BICD1: variants seen among roughly 807,000 people sequenced by gnomAD.
BICD1 encodes the protein BICD cargo adaptor 1.
In BICD1, 35 loss-of-function variants were observed where a neutral mutation model predicts 92.5. The ratio of observed to expected loss-of-function variants is 0.38; its 90% CI spans 0.29 to 0.50. The LOEUF (loss-of-function observed/expected upper bound fraction) is 0.50. Ranked by LOEUF, BICD1 falls within the 20% of genes least tolerant of loss-of-function variation. BICD1 has a pLI of 0.93. For missense variants in BICD1, 950 were observed against 1,189.8 expected, an observed-to-expected ratio of 0.80 and a Z score of 2.97; for synonymous variants, 429 against 465.1, an observed-to-expected ratio of 0.92 and a Z score of 1.00.
chr12:32,166,884 A>C (rs10844144), intron 1 of BICD1, among the ~76,000 whole-genome samples: 18,767 of 152,278 alleles, frequency 0.12, 1,584 homozygotes, highest in East Asian at 0.34. Context: ...AAATTGAATA[A>C]GAAAACATCA....
At chr12:32,133,419 T>C (rs1000989878) in intron 1 of BICD1, among the ~76,000 whole-genome samples, 9 of 151,070 alleles carry the variant, frequency 6.0e-5, no homozygotes, top group African/African-American at 1.7e-4. Flanking sequence ...ACCTGGGAGG[T>C]AGAGGTTGCA....
intron 2 of BICD1, among the ~76,000 whole-genome samples, chr12:32,244,585 A>G (rs931036270): frequency 6.6e-6 from 1 of 151,472 alleles, no homozygotes; most frequent in Non-Finnish European, 1.5e-5. Context: ...TAATCCATAA[A>G]TCTCTCCATT....
chr12:32,159,344 C>A (rs561267180), intron 1 of BICD1, among the ~76,000 whole-genome samples: 1 of 152,248 alleles, frequency 6.6e-6, no homozygotes, highest in Admixed American at 6.5e-5. Flanking sequence ...GCTCTTCAGG[C>A]ATGCTGACAG....
At chr12:32,366,015 TAA>T (rs1402908106) in intron 8 of BICD1, among the ~76,000 whole-genome samples, 3 of 152,200 alleles carry the variant, frequency 2.0e-5, no homozygotes, top group Non-Finnish European at 4.4e-5. Flanking sequence ...CGCTAATTAA[TAA>T]GATGGCAACA....
chr12:32,364,538 T>C (rs539903035), intron 8 of BICD1, among the ~76,000 whole-genome samples: 2 of 152,332 alleles, frequency 1.3e-5, no homozygotes, highest in South Asian at 4.1e-4. Context: ...GTCAGAGCAA[T>C]GTAGCTACAT....
chr12:32,370,615 G>A (rs931129111), intron 9 of BICD1, among the ~76,000 whole-genome samples: 1 of 152,070 alleles, frequency 6.6e-6, no homozygotes, highest in African/African-American at 2.4e-5. Flanking sequence ...AGATTGCTTG[G>A]GTTGAATTCC....
intron 2 of BICD1, among the ~76,000 whole-genome samples, chr12:32,246,777 A>G (rs1946399836): frequency 6.6e-6 from 1 of 152,212 alleles, no homozygotes; most frequent in Admixed American, 6.5e-5. Flanking sequence ...TGTAGGCACA[A>G]GAGATACAGC....
chr12:32,316,807 A>G (rs2136236918), intron 4 of BICD1, among the ~76,000 whole-genome samples: 1 of 151,862 alleles, frequency 6.6e-6, no homozygotes, highest in South Asian at 2.1e-4. Context: ...TGCACCCATT[A>G]ACTTGTCATT....
At chr12:32,311,627 C>T (rs532892392) in intron 4 of BICD1, among the ~76,000 whole-genome samples, 2 of 152,246 alleles carry the variant, frequency 1.3e-5, no homozygotes, top group South Asian at 2.1e-4. Flanking sequence ...TGTCTGAAGG[C>T]GTGGGATCAA....
At chr12:32,358,623 G>C (rs1214822898) in intron 8 of BICD1, among the ~76,000 whole-genome samples, 1 of 151,966 alleles carries the variant, frequency 6.6e-6, no homozygotes, top group Non-Finnish European at 1.5e-5. Context: ...TGTAGTCCCA[G>C]CTACTTAGGA....
At chr12:32,171,170 C>G (rs1943924426) in intron 1 of BICD1, among the ~76,000 whole-genome samples, 1 of 152,138 alleles carries the variant, frequency 6.6e-6, no homozygotes, top group Non-Finnish European at 1.5e-5. Flanking sequence ...GACATGGTTA[C>G]TTGACTTGTT....
chr12:32,330,497 A>G (rs1214784590), intron 5 of BICD1, among the ~76,000 whole-genome samples: 1 of 151,920 alleles, frequency 6.6e-6, no homozygotes, highest in Non-Finnish European at 1.5e-5. Context: ...TGGGTGCAGC[A>G]CACCAACATG....
chr12:32,123,722 C>CA (rs1298882796), intron 1 of BICD1, among the ~76,000 whole-genome samples: 2 of 151,992 alleles, frequency 1.3e-5, no homozygotes, highest in Non-Finnish European at 2.9e-5. Flanking sequence ...ATTAAAAATA[C>CA]AAAAAATAAG....
chr12:32,304,057 G>C (rs1948141839), intron 3 of BICD1, among the ~76,000 whole-genome samples: 1 of 151,106 alleles, frequency 6.6e-6, no homozygotes, highest in South Asian at 2.1e-4. Flanking sequence ...CTGGGCGACA[G>C]AGCGAGACTC....
intron 3 of BICD1, among the ~76,000 whole-genome samples, chr12:32,304,876 A>T (rs1364472345): frequency 6.6e-6 from 1 of 152,160 alleles, no homozygotes; most frequent in East Asian, 1.9e-4. Flanking sequence ...AAAAAATAAA[A>T]AAAATAGCCA....
At chr12:32,320,087 T>C (rs960853016) in intron 4 of BICD1, among the ~76,000 whole-genome samples, 2 of 152,210 alleles carry the variant, frequency 1.3e-5, no homozygotes, top group Admixed American at 6.5e-5. Flanking sequence ...GGCACAGATA[T>C]GCATTATCAG....
At chr12:32,351,806 G>A (rs1211021247) in intron 8 of BICD1, among the ~76,000 whole-genome samples, 1 of 151,842 alleles carries the variant, frequency 6.6e-6, no homozygotes, top group Non-Finnish European at 1.5e-5. Flanking sequence ...AGGAGGCTGA[G>A]GCAGGATAAT....
chr12:32,110,133 TCA>T (rs1461658153), intron 1 of BICD1, among the ~76,000 whole-genome samples: 3 of 152,244 alleles, frequency 2.0e-5, no homozygotes, highest in South Asian at 2.1e-4. Context: ...GCAACATGGC[TCA>T]GTCTTTGCAG....
At chr12:32,161,159 A>G (rs1404379257) in intron 1 of BICD1, among the ~76,000 whole-genome samples, 2 of 152,204 alleles carry the variant, frequency 1.3e-5, no homozygotes, top group African/African-American at 4.8e-5. Flanking sequence ...AGCCCCCAAC[A>G]TGGTAAAAGA....
Sources: gnomAD v4.1 joint callset for allele counts (sites outside exome capture counted in the v4.1 genomes callset) on GRCh38, gnomAD v4.1.1 for gene constraint, MANE v1.5 for transcripts, NCBI Gene and HGNC (gene_info 2026-07-23, HGNC 2026-07-21) for gene names.